Variants in ARHGAP31 observed in about 807,000 individuals in gnomAD.
The protein encoded by ARHGAP31 is Rho GTPase activating protein 31.
A neutral mutation model predicts 113.9 loss-of-function variants in ARHGAP31; 34 were observed. That is an observed-to-expected ratio of 0.30 (90% confidence interval 0.23 to 0.40). ARHGAP31 has a LOEUF of 0.40. Among genes scored for constraint, ARHGAP31 ranks in the 10% least tolerant of loss-of-function variants. The pLI is 1.00. For synonymous variants in ARHGAP31, 650 were observed against 684.8 expected (o/e 0.95, Z 0.79); for missense variants, 1,548 against 1,767.1 (o/e 0.88, Z 2.22).
At chr3:119,332,631 TCTCTCACACA>T (rs1289237992) in intron 1 of ARHGAP31, among the ~76,000 whole-genome samples, 1,265 of 115,074 alleles carry the variant, frequency 0.011, 3 homozygotes, top group Middle Eastern at 0.017. Context: ...TCTCTCTCTC[TCTCTCACACA>T]CACACACACA....
At chr3:119,360,924 A>G (rs1439723435) in intron 1 of ARHGAP31, among the ~76,000 whole-genome samples, 1 of 152,242 alleles carries the variant, frequency 6.6e-6, no homozygotes, top group Non-Finnish European at 1.5e-5. Flanking sequence ...CTATGGGCCC[A>G]GGATGAATCC....
chr3:119,361,097 C>A (rs947358639), intron 1 of ARHGAP31, among the ~76,000 whole-genome samples: 1 of 152,184 alleles, frequency 6.6e-6, no homozygotes, highest in Non-Finnish European at 1.5e-5. Context: ...ACCCCTGGGA[C>A]AATAGTTTAA....
chr3:119,347,708 T>G (rs918197816), intron 1 of ARHGAP31, among the ~76,000 whole-genome samples: 2 of 152,176 alleles, frequency 1.3e-5, no homozygotes, highest in African/African-American at 4.8e-5. Flanking sequence ...TCTGACACCT[T>G]CTGTGTACCC....
rs988844003 is a variant in ARHGAP31, at chr3:119,420,298, T to A, written c.*4034T>A. On this transcript the variant is annotated 3_prime_UTR_variant, in exon 12 of 12. Coordinates refer to ENST00000264245, the MANE Select transcript of ARHGAP31 (RefSeq NM_020754.4). ...GTTGCTAAGACTATGATTTTAGACA[T>A]GTCTGGCAGGAAGGTCAGCTCAAAA... The A allele has an allele frequency of 6.6e-6, 1 of 152,230 alleles. No homozygotes were observed. The highest frequency in any genetic ancestry group is 1.5e-5 in the Non-Finnish European group (1 of 68,040). 9.4% of individuals were successfully genotyped at this position (152,230 alleles called of 1,614,324 possible). A position where few individuals can be genotyped will look rare whatever the true frequency, so the allele number is the denominator to read the frequency against.
intron 5 of ARHGAP31, 141 bp from the exon 6 acceptor site, chr3:119,382,943 A>C (rs1169452547): frequency 2.6e-6 from 3 of 1,136,840 alleles, no homozygotes; most frequent in Admixed American, 3.9e-5. Flanking sequence ...AGTTCCTTTA[A>C]TTGGCCCTAA....
intron 3 of ARHGAP31, among the ~76,000 whole-genome samples, chr3:119,373,552 C>A (rs540764370): frequency 3.3e-5 from 5 of 152,118 alleles, no homozygotes; most frequent in Admixed American, 2.0e-4. Context: ...CAGCCTCCCC[C>A]ACCCGGGTTC....
At chr3:119,302,548 A>T (rs1320298263) in intron 1 of ARHGAP31, among the ~76,000 whole-genome samples, 1 of 152,214 alleles carries the variant, frequency 6.6e-6, no homozygotes, top group African/African-American at 2.4e-5. Flanking sequence ...AGTGCTACTT[A>T]TCTGTGTTGA....
At chr3:119,385,470 T>C (rs2080441570) in intron 6 of ARHGAP31, among the ~76,000 whole-genome samples, 1 of 152,146 alleles carries the variant, frequency 6.6e-6, no homozygotes, top group South Asian at 2.1e-4. Flanking sequence ...TATGTAGGAG[T>C]GGCTGGCCTT....
intron 1 of ARHGAP31, among the ~76,000 whole-genome samples, chr3:119,325,819 T>A (rs992082886): frequency 4.6e-5 from 7 of 152,228 alleles, no homozygotes; most frequent in East Asian, 3.9e-4. Context: ...TTTTTAAAAA[T>A]TTTTTTTGAT....
chr3:119,326,448 T>C (rs2079844740), intron 1 of ARHGAP31, among the ~76,000 whole-genome samples: 1 of 151,926 alleles, frequency 6.6e-6, no homozygotes. Context: ...TGGGTGGGCT[T>C]TGGACATTGT....
At chr3:119,391,277 T>A (rs2080501859) in intron 7 of ARHGAP31, among the ~76,000 whole-genome samples, 1 of 152,132 alleles carries the variant, frequency 6.6e-6, no homozygotes, top group Admixed American at 6.5e-5. Flanking sequence ...TGACTGAAAT[T>A]CCTGTCTTTT....
intron 1 of ARHGAP31, among the ~76,000 whole-genome samples, chr3:119,309,591 CA>C (rs67779366): frequency 0.37 from 55,297 of 147,466 alleles, 10,368 homozygotes; most frequent in Non-Finnish European, 0.41. Context: ...TCTGTCTCTA[CA>C]AAAAAAAAAA....
At chr3:119,336,369 C>T (rs2079947190) in intron 1 of ARHGAP31, among the ~76,000 whole-genome samples, 1 of 141,912 alleles carries the variant, frequency 7.0e-6, no homozygotes, top group Admixed American at 7.0e-5. Flanking sequence ...TTACATCAGC[C>T]AGTCGCTAGA....
At chr3:119,401,146 G>A (rs1237519020) in intron 9 of ARHGAP31, among the ~76,000 whole-genome samples, 1 of 150,278 alleles carries the variant, frequency 6.7e-6, no homozygotes, top group Non-Finnish European at 1.5e-5. Flanking sequence ...ACTCCAGCCT[G>A]GGCGACAGAG....
In ARHGAP31 at chr3:119,296,818, G is replaced by A. The variant is rs894671293; in HGVS notation, c.100+1814G>A. 3.3e-5 allele frequency among the ~76,000 whole-genome samples: 5 copies of A among 152,224 alleles called. No individual in the cohort carries two copies. In the East Asian group the frequency reaches 9.6e-4, roughly 29 times the overall value. Reference sequence around the variant, plus strand: ...AGTACCCCGGGTTCCCCACCCTGGGGAGGGGGAAAAGAAGCCCAGAGGGGT... The same window carrying A: ...AGTACCCCGGGTTCCCCACCCTGGGAAGGGGGAAAAGAAGCCCAGAGGGGT... On this transcript the variant is annotated intron_variant, in intron 1 of 11. Coordinates refer to ENST00000264245, the MANE Select transcript of ARHGAP31 (RefSeq NM_020754.4).
chr3:119,395,289 G>A (rs1300238825), intron 8 of ARHGAP31, among the ~76,000 whole-genome samples: 3 of 152,198 alleles, frequency 2.0e-5, no homozygotes, highest in East Asian at 1.9e-4. Flanking sequence ...CAGTTACAAC[G>A]ATTTAGGCTG....
At chr3:119,307,958 A>AAAAAAAAAAAAAAAAAAAAAAAAC (rs2079645450) in intron 1 of ARHGAP31, among the ~76,000 whole-genome samples, 3 of 150,264 alleles carry the variant, frequency 2.0e-5, no homozygotes, top group Non-Finnish European at 3.0e-5. Context: ...AAAAAAAAAA[A>AAAAAAAAAAAAAAAAAAAAAAAAC]AAGCTCAATC....
At chr3:119,300,184 T>C (rs1050433952) in intron 1 of ARHGAP31, among the ~76,000 whole-genome samples, 1 of 152,196 alleles carries the variant, frequency 6.6e-6, no homozygotes, top group Non-Finnish European at 1.5e-5. Context: ...ACTCATGAAA[T>C]GATAATAAGA....
intron 9 of ARHGAP31, 125 bp from the exon 10 acceptor site, chr3:119,401,697 G>A (rs2080608793): frequency 2.3e-6 from 2 of 870,460 alleles, no homozygotes; most frequent in South Asian, 2.9e-5. Context: ...TATCTGGGCG[G>A]TTATGCCCCT....
Sources: gnomAD v4.1 joint callset for allele counts (sites outside exome capture counted in the v4.1 genomes callset) on GRCh38, gnomAD v4.1.1 for gene constraint, MANE v1.5 for transcripts, NCBI Gene and HGNC (gene_info 2026-07-23, HGNC 2026-07-21) for gene names.